The following KIFC3 variants were observed in gnomAD, a reference collection of about 807,000 sequenced individuals.
The protein encoded by KIFC3 is kinesin family member C3, also known as kinesin-like protein KIFC3.
Under a neutral mutation model 101.8 loss-of-function variants are expected in KIFC3, and 60 were observed. The ratio of observed to expected loss-of-function variants is 0.59; its 90% CI spans 0.48 to 0.73. KIFC3 has a LOEUF of 0.73. Ranked by LOEUF, KIFC3 falls within the 30% of genes least tolerant of loss-of-function variation. The pLI, the probability that KIFC3 is intolerant of heterozygous loss-of-function variation, is 0.00. For synonymous variants in KIFC3, 476 were observed against 482.7 expected, an observed-to-expected ratio of 0.99 and a Z score of 0.18; for missense variants, 966 against 1,137.1, an observed-to-expected ratio of 0.85 and a Z score of 2.16.
chr16:57,830,024 C>T (rs2055541029), intron 1 of KIFC3, among the ~76,000 whole-genome samples: 1 of 152,118 alleles, frequency 6.6e-6, no homozygotes, highest in Admixed American at 6.6e-5. Flanking sequence ...AAGAACATTC[C>T]AGCTTTTCTT....
chr16:57,856,561 G>T (rs1596901603), intron 1 of KIFC3, among the ~76,000 whole-genome samples: 1 of 151,734 alleles, frequency 6.6e-6, no homozygotes, highest in African/African-American at 2.4e-5. Context: ...AAAAAAGAAA[G>T]AAAGAAAAGA....
chr16:57,827,641 G>A (rs2055486838), intron 1 of KIFC3, among the ~76,000 whole-genome samples: 1 of 152,158 alleles, frequency 6.6e-6, no homozygotes, highest in African/African-American at 2.4e-5. Flanking sequence ...AGGTCTAGAA[G>A]TCACCCCCTT....
intron 3 of KIFC3, chr16:57,774,874 C>G (rs2051831466): frequency 7.2e-7 from 1 of 1,392,276 alleles, no homozygotes. Flanking sequence ...TCTCCCTACC[C>G]TGACATAAGT....
Position 57,771,530 on chromosome 16 carries a change from C to T in KIFC3, c.525+13G>A, listed in dbSNP as rs782418875. ...TCCAGGACCAGCATGGGGACCACGGCCATTCTGCTCACCTGGCTGTGCTCA... is the reference window on the plus strand; with the variant it reads ...TCCAGGACCAGCATGGGGACCACGGTCATTCTGCTCACCTGGCTGTGCTCA... On this transcript the variant is annotated intron_variant, in intron 5 of 19. Coordinates refer to ENST00000445690, the MANE Select transcript of KIFC3 (RefSeq NM_001130100.2). 6.2e-7 allele frequency: 1 copy of T among 1,611,632 alleles called. No individual in the cohort carries two copies. The highest frequency in any genetic ancestry group is 1.3e-5 in the African/African-American group (1 of 74,936).
At chr16:57,853,488 CAG>C (rs2056099820) in intron 1 of KIFC3, among the ~76,000 whole-genome samples, 1 of 151,900 alleles carries the variant, frequency 6.6e-6, no homozygotes, top group South Asian at 2.1e-4. Context: ...AAAGGGCAAA[CAG>C]AAACAAAACA....
chr16:57,766,383 G>T (rs1329398558), intron 10 of KIFC3, among the ~76,000 whole-genome samples: 3 of 152,212 alleles, frequency 2.0e-5, no homozygotes, highest in African/African-American at 7.2e-5. Context: ...GCAGGGTTGG[G>T]GTTCCCTGAC....
chr16:57,776,434 A>G (rs1220340685), intron 3 of KIFC3: 1 of 985,320 alleles, frequency 1.0e-6, no homozygotes, highest in Non-Finnish European at 1.2e-6. Context: ...GCAGCTGACA[A>G]TTCGAATTCT....
intron 1 of KIFC3, among the ~76,000 whole-genome samples, chr16:57,856,324 A>G (rs1180881444): frequency 6.6e-6 from 1 of 152,076 alleles, no homozygotes; most frequent in African/African-American, 2.4e-5. Context: ...CTACCAAAAA[A>G]TACAAAAATT....
At chr16:57,787,062 G>C (rs1250270628) in intron 3 of KIFC3, among the ~76,000 whole-genome samples, 1 of 152,244 alleles carries the variant, frequency 6.6e-6, no homozygotes, top group Non-Finnish European at 1.5e-5. Flanking sequence ...CACAGAGCTG[G>C]CCAAGCTCCT....
intron 1 of KIFC3, among the ~76,000 whole-genome samples, chr16:57,844,434 GAAA>G (rs66460592): frequency 5.1e-5 from 6 of 117,974 alleles, no homozygotes; most frequent in Non-Finnish European, 5.0e-5. Flanking sequence ...CAGTCTCAGG[GAAA>G]AAAAAAAAAA....
intron 1 of KIFC3, chr16:57,815,499 C>A: frequency 7.9e-7 from 1 of 1,260,204 alleles, no homozygotes; most frequent in South Asian, 1.3e-5. Flanking sequence ...CCTGGCTGAT[C>A]TGGGACCACA....
intron 1 of KIFC3, among the ~76,000 whole-genome samples, chr16:57,852,606 C>A (rs929882719): frequency 6.6e-6 from 1 of 152,136 alleles, no homozygotes; most frequent in African/African-American, 2.4e-5. Context: ...CTTTTTAAAT[C>A]CTTTACAATC....
At chr16:57,785,997 G>A (rs1190160053) in intron 3 of KIFC3, among the ~76,000 whole-genome samples, 2 of 152,198 alleles carry the variant, frequency 1.3e-5, no homozygotes, top group African/African-American at 4.8e-5. Flanking sequence ...GCAAGGAATC[G>A]CAGCTGGGAA....
Position 57,819,556 on chromosome 16 carries a change from T to TTTTA in KIFC3, c.109-21278_109-21275dup, listed in dbSNP as rs1429755539. On this transcript the variant is annotated intron_variant, in intron 1 of 2. Coordinates refer to the KIFC3 transcript ENST00000563028. Reference sequence around the variant, plus strand: ...TGTATTTATTTTTTATTTTTTTAAATTTTATTTATTTATTTATTTATTGAG... The same window carrying TTTTA: ...TGTATTTATTTTTTATTTTTTTAAATTTTATTTATTTATTTATTTATTTATTGAG... Among the ~76,000 whole-genome samples the TTTTA allele has an allele frequency of 8.3e-4, 126 of 152,158 alleles. 1 individual carries two copies. The highest frequency in any genetic ancestry group is 2.7e-3 in the African/African-American group (114 of 41,534).
chr16:57,851,398 C>T (rs1446996587), intron 1 of KIFC3, among the ~76,000 whole-genome samples: 2 of 152,016 alleles, frequency 1.3e-5, no homozygotes, highest in Non-Finnish European at 2.9e-5. Flanking sequence ...CTGATTTTTC[C>T]CCTCATATTA....
intron 3 of KIFC3, among the ~76,000 whole-genome samples, chr16:57,789,214 C>T (rs970859721): frequency 2.6e-5 from 4 of 152,224 alleles, no homozygotes; most frequent in African/African-American, 9.6e-5. Context: ...TCCGTCCGAG[C>T]AGGGGAAGGG....
At chr16:57,840,053 C>T (rs757517641) in intron 1 of KIFC3, among the ~76,000 whole-genome samples, 6 of 152,118 alleles carry the variant, frequency 3.9e-5, no homozygotes, top group Non-Finnish European at 5.9e-5. Context: ...GAAAACCTAG[C>T]TTAGCCAGCC....
At chr16:57,768,517 A>ACACACACACT (rs2050749175) in intron 9 of KIFC3, among the ~76,000 whole-genome samples, 1 of 151,136 alleles carries the variant, frequency 6.6e-6, no homozygotes, top group African/African-American at 2.4e-5. Flanking sequence ...TCTCACACAC[A>ACACACACACT]CACACACACA....
chr16:57,844,434 GAAAAAA>G (rs66460592), intron 1 of KIFC3, among the ~76,000 whole-genome samples: 5 of 117,978 alleles, frequency 4.2e-5, no homozygotes, highest in African/African-American at 9.7e-5. Flanking sequence ...CAGTCTCAGG[GAAAAAA>G]AAAAAAAAAA....
Sources: gnomAD v4.1 joint callset for allele counts (sites outside exome capture counted in the v4.1 genomes callset) on GRCh38, gnomAD v4.1.1 for gene constraint, MANE v1.5 for transcripts, NCBI Gene and HGNC (gene_info 2026-07-23, HGNC 2026-07-21) for gene names.